The following CDH20 variants were observed in gnomAD, a reference collection of about 807,000 sequenced individuals.
The protein encoded by CDH20 is cadherin 20.
In CDH20, 29 loss-of-function variants were observed where a neutral mutation model predicts 74.2. The observed-to-expected ratio is 0.39, with a 90% CI of 0.29 to 0.53. CDH20 has a LOEUF of 0.53. Among genes scored for constraint, CDH20 ranks in the 20% least tolerant of loss-of-function variants. CDH20 has a pLI of 0.69. For missense variants in CDH20, 988 were observed against 1,048.3 expected, an observed-to-expected ratio of 0.94 and a Z score of 0.79; for synonymous variants, 469 against 405.4, an observed-to-expected ratio of 1.16 and a Z score of -1.88.
intron 1 of CDH20, among the ~76,000 whole-genome samples, chr18:61,473,151 G>A (rs1304260232): frequency 6.6e-6 from 1 of 152,238 alleles, no homozygotes; most frequent in Non-Finnish European, 1.5e-5. Flanking sequence ...GCATCAGCCA[G>A]TGAATGTCTT....
chr18:61,440,650 A>T (rs942389503), intron 1 of CDH20, among the ~76,000 whole-genome samples: 3 of 152,212 alleles, frequency 2.0e-5, no homozygotes, highest in Non-Finnish European at 4.4e-5. Context: ...AGCCAGGAAC[A>T]GTTTCTGGTC....
chr18:61,348,734 G>A (rs1910213111), intron 1 of CDH20, among the ~76,000 whole-genome samples: 1 of 152,206 alleles, frequency 6.6e-6, no homozygotes, highest in South Asian at 2.1e-4. Context: ...GTGGGGGTAA[G>A]AGAGCACAAC....
chr18:61,353,997 G>C lies in CDH20; in HGVS notation c.-153+20170G>C, dbSNP rs1323408888. On this transcript the variant is annotated intron_variant, in intron 1 of 11. Coordinates refer to ENST00000262717, the MANE Select transcript of CDH20 (RefSeq NM_031891.4). The surrounding 1 kb of genome is among the most constrained non-coding windows in gnomAD (Gnocchi z 4.6). Reference sequence around the variant, plus strand: ...ACTTGGGAGGTTGCAAGTGAGCCAAGATTGGGCCACACACTCAGCCTGGGT... The same window carrying C: ...ACTTGGGAGGTTGCAAGTGAGCCAACATTGGGCCACACACTCAGCCTGGGT... Among the ~76,000 whole-genome samples, 1 of 149,224 alleles carries C rather than the reference G, an allele frequency of 6.7e-6. No individual in the cohort carries two copies. Among genetic ancestry groups the C allele is most frequent in the East Asian group, 2.0e-4 (1 of 5,038 alleles).
Position 61,503,017 on chromosome 18 carries a change from C to A in CDH20, c.726C>A (p.Ile242=). The A allele has an allele frequency of 2.5e-6, 4 of 1,613,916 alleles. No homozygotes were observed. The highest frequency in any genetic ancestry group is 3.4e-6 in the Non-Finnish European group (4 of 1,179,846). ...CCAAAGAATACTACGAAGTGATTAT[C>A]CAAGCCAAGGACATGGGAGGGCAGC... ...REAKEYYEVI[I]QAKDMGGQLG... is the part of the protein sequence containing the mutation. The change falls in exon 5 of 12, where the codon ATC becomes ATA. Residue 242 remains isoleucine (I), a synonymous_variant. Transcript: ENST00000262717.
At chr18:61,365,518 G>T (rs1446754050) in intron 1 of CDH20, among the ~76,000 whole-genome samples, 1 of 152,050 alleles carries the variant, frequency 6.6e-6, no homozygotes, top group Non-Finnish European at 1.5e-5. Flanking sequence ...GAATAAAAAA[G>T]GTCCACTGAG....
intron 2 of CDH20, among the ~76,000 whole-genome samples, chr18:61,494,104 G>A (rs1484859322): frequency 6.6e-6 from 1 of 152,180 alleles, no homozygotes; most frequent in Non-Finnish European, 1.5e-5. Context: ...TAGACTCAGA[G>A]AGGTTATTTA....
chr18:61,351,945 C>G (rs528611786), intron 1 of CDH20, among the ~76,000 whole-genome samples: 1 of 151,898 alleles, frequency 6.6e-6, no homozygotes, highest in African/African-American at 2.4e-5. Flanking sequence ...ACTATGAGAG[C>G]GAGATAAAGC....
intron 9 of CDH20, among the ~76,000 whole-genome samples, chr18:61,540,750 T>C (rs1322020221): frequency 6.6e-6 from 1 of 152,186 alleles, no homozygotes; most frequent in Non-Finnish European, 1.5e-5. Flanking sequence ...CTCCAGCATC[T>C]TGCTGCACAG....
At chr18:61,550,637 C>A (rs979310733) in intron 11 of CDH20, among the ~76,000 whole-genome samples, 1 of 152,196 alleles carries the variant, frequency 6.6e-6, no homozygotes, top group Non-Finnish European at 1.5e-5. Context: ...AAGTCACAAA[C>A]GGGTAAGTGA....
At chr18:61,436,139 G>A (rs1025256413) in intron 1 of CDH20, among the ~76,000 whole-genome samples, 1 of 152,070 alleles carries the variant, frequency 6.6e-6, no homozygotes, top group East Asian at 1.9e-4. Context: ...CAATTATGTG[G>A]CTATAGCACA....
rs779024165 is a variant in CDH20, at chr18:61,527,997, A to T, written c.1048A>T (p.Thr350Ser). 11 of 1,613,968 alleles carry T rather than the reference A, an allele frequency of 6.8e-6. No individual in the cohort carries two copies. The highest frequency in any genetic ancestry group is 9.3e-6 in the Non-Finnish European group (11 of 1,179,976). ...PLSFESKKSY[T>S]LKVEGANPHL... ...GAGTTTTGAAAGCAAGAAAAGCTACACCTTAAAGGTGGAGGGAGCCAATCC... is the reference window on the plus strand; with the variant it reads ...GAGTTTTGAAAGCAAGAAAAGCTACTCCTTAAAGGTGGAGGGAGCCAATCC... Residue 350 changes from threonine to serine, a missense_variant, in exon 7 of 12, where the codon ACC becomes TCC. Physicochemically the swap from Thr to Ser is moderately conservative, Grantham distance 58. Coordinates refer to ENST00000262717, the MANE Select transcript of CDH20 (RefSeq NM_031891.4).
intron 1 of CDH20, among the ~76,000 whole-genome samples, chr18:61,358,362 C>T (rs1431987527): frequency 1.3e-5 from 2 of 152,114 alleles, no homozygotes; most frequent in Non-Finnish European, 2.9e-5. Context: ...CCTCGTGATC[C>T]TCCCACCTCG....
In CDH20 at chr18:61,507,546, A is replaced by G. The variant is rs780870701; in HGVS notation, c.1003A>G (p.Ile335Val). The G allele has an allele frequency of 1.9e-6, 3 of 1,607,830 alleles. No homozygotes were observed. Among genetic ancestry groups the G allele is most frequent in the African/African-American group, 2.7e-5 (2 of 74,742 alleles). The change falls in exon 6 of 12, where the codon ATA becomes GTA. Residue 335 changes from isoleucine to valine, a missense_variant. By Grantham distance (29) the Ile-to-Val change is conservative. Around this residue, in one of 2 missense-constraint regions of CDH20, gnomAD observed 613 missense variants for 755.2 expected, o/e 0.81. Coordinates refer to ENST00000262717, the MANE Select transcript of CDH20 (RefSeq NM_031891.4). Reference sequence around the variant, plus strand: ...AGATCCCAATTTCCAAGTTGGTATCATAACTGTGAAGAAGGTAATCCAACT... The same window carrying G: ...AGATCCCAATTTCCAAGTTGGTATCGTAACTGTGAAGAAGGTAATCCAACT... Reference protein sequence around the residue: ...STDPNFQVGIITVKKPLSFES... With the variant: ...STDPNFQVGIVTVKKPLSFES...
chr18:61,413,184 C>A (rs1417999185), intron 1 of CDH20, among the ~76,000 whole-genome samples: 1 of 152,118 alleles, frequency 6.6e-6, no homozygotes, highest in African/African-American at 2.4e-5. Context: ...ACTGTACCAT[C>A]CACATCCACA....
At chr18:61,455,878 T>C (rs1043494424) in intron 1 of CDH20, among the ~76,000 whole-genome samples, 1 of 152,236 alleles carries the variant, frequency 6.6e-6, no homozygotes, top group African/African-American at 2.4e-5. Context: ...CAATTTTATG[T>C]CAAATTAATA....
chr18:61,365,554 T>C (rs546918461), intron 1 of CDH20, among the ~76,000 whole-genome samples: 9 of 152,140 alleles, frequency 5.9e-5, no homozygotes, highest in African/African-American at 1.9e-4. Context: ...TAATCAAAGG[T>C]TTTTTAAACT....
chr18:61,490,587 A>C lies in CDH20; in HGVS notation c.34A>C (p.Asn12His). ...TTCTGGTAGAATGAGCAATGCAAAG[A>C]ACTGGCTTGGACTTGGCATGTCCTT... Reference protein sequence around the residue: ...WTSGRMSNAKNWLGLGMSLYF... With the variant: ...WTSGRMSNAKHWLGLGMSLYF... Residue 12 changes from asparagine (N) to histidine (H), a missense_variant, in exon 2 of 12, where the codon AAC (asparagine) becomes CAC (histidine). By Grantham distance (68) the Asn-to-His change is moderately conservative. Around this residue, in one of 2 missense-constraint regions of CDH20, gnomAD observed 613 missense variants for 755.2 expected, o/e 0.81. Coordinates refer to ENST00000262717, the MANE Select transcript of CDH20 (RefSeq NM_031891.4). The C allele has an allele frequency of 1.9e-6, 3 of 1,614,188 alleles. No individual in the cohort carries two copies. Among genetic ancestry groups the C allele is most frequent in the Non-Finnish European group, 2.5e-6 (3 of 1,180,018 alleles).
chr18:61,401,184 C>T (rs1912141609), intron 1 of CDH20, among the ~76,000 whole-genome samples: 1 of 152,222 alleles, frequency 6.6e-6, no homozygotes, highest in African/African-American at 2.4e-5. Context: ...ACTCATCTGC[C>T]AATATTTCCT....
intron 1 of CDH20, among the ~76,000 whole-genome samples, chr18:61,357,676 G>A (rs1386896539): frequency 2.0e-5 from 3 of 152,090 alleles, no homozygotes; most frequent in African/African-American, 7.2e-5. Flanking sequence ...ATAACCAATA[G>A]TCTTCATCTC....
Sources: allele counts gnomAD v4.1 joint callset (sites outside exome capture counted in the v4.1 genomes callset), GRCh38; gene constraint gnomAD v4.1.1; regional missense constraint gnomAD v4.1.1; non-coding constraint Gnocchi (gnomAD v3.1); transcripts MANE v1.5; gene names NCBI Gene and HGNC (gene_info 2026-07-23, HGNC 2026-07-21).